Variants in PTRH1 observed in about 807,000 individuals in gnomAD.
PTRH1 encodes the protein peptidyl-tRNA hydrolase.
PTRH1 carries 13 observed loss-of-function variants against 15.7 expected under a neutral mutation model. That is an observed-to-expected ratio of 0.83 (90% CI 0.54 to 1.31). The LOEUF (loss-of-function observed/expected upper bound fraction) is 1.31. Among genes scored for constraint, PTRH1 ranks in the 40% most tolerant of loss-of-function variants. The pLI is 0.00. For synonymous variants in PTRH1, 139 were observed against 136.7 expected (o/e 1.02, Z -0.12); for missense variants, 319 against 296.2 (o/e 1.08, Z -0.56).
At chr9:127,711,128 G>A (rs1842756563), downstream of PTRH1, 1 of 1,423,900 alleles carries the variant, frequency 7.0e-7, no homozygotes, top group African/African-American at 1.4e-5. Context: ...GAGCATGCTG[G>A]TGTTTAACAG....
At position 127,715,531 on chromosome 9, in the gene PTRH1, C is replaced by T; in HGVS notation, c.96+13G>A. Reference sequence around the variant, plus strand: ...GACCGGGAGCCCCTACGTCGCCGCCCCACGCCACTCACCATCCACCGCTTC... The same window carrying T: ...GACCGGGAGCCCCTACGTCGCCGCCTCACGCCACTCACCATCCACCGCTTC... On this transcript the variant is annotated intron_variant, in intron 1 of 4. Transcript: ENST00000543175. This position sits in a 1 kb window ranked among gnomAD's most constrained non-coding sequence, Gnocchi z 5.8. 6.2e-7 allele frequency: 1 copy of T among 1,613,408 alleles called. No homozygotes were observed. Among genetic ancestry groups the T allele is most frequent in the Non-Finnish European group, 8.5e-7 (1 of 1,180,028 alleles).
Position 127,715,362 on chromosome 9 carries a change from C to T in PTRH1, c.97-168G>A. On this transcript the variant is annotated intron_variant, in intron 1 of 4. Coordinates refer to ENST00000543175, the MANE Select transcript of PTRH1 (RefSeq NM_001002913.3). The surrounding 1 kb of genome is among the most constrained non-coding windows in gnomAD (Gnocchi z 5.8). ...CCCGACCCCTGAGAACTCCAGAAGG[C>T]TGGGCAGGCAGGGCGCCCTAGTGCA... The T allele has an allele frequency of 8.1e-7, 1 of 1,239,694 alleles. No individual in the cohort carries two copies. Among genetic ancestry groups the T allele is most frequent in the Non-Finnish European group, 1.1e-6 (1 of 874,878 alleles). The allele number at this position is 1,239,694 out of a possible 1,614,324, so 76.8% of individuals were successfully genotyped here.
downstream of PTRH1, chr9:127,712,202 C>G (rs747864051): frequency 1.9e-6 from 3 of 1,613,890 alleles, no homozygotes; most frequent in Non-Finnish European, 2.5e-6. Context: ...GGTCCAGGAG[C>G]CAGAGAGACC....
intron 1 of PTRH1, among the ~76,000 whole-genome samples, chr9:127,701,549 G>T (rs1239038800): frequency 6.6e-6 from 1 of 152,196 alleles, no homozygotes; most frequent in Non-Finnish European, 1.5e-5. Flanking sequence ...CTTCATCTCA[G>T]AGCTGATGAA....
downstream of PTRH1, among the ~76,000 whole-genome samples, chr9:127,710,293 A>C (rs549212219): frequency 1.1e-3 from 163 of 151,996 alleles, no homozygotes; most frequent in African/African-American, 3.2e-3. Context: ...AAAAAAAAAA[A>C]AAAAAACAAA....
At chr9:127,702,648 G>A (rs1001781094) in intron 1 of PTRH1, among the ~76,000 whole-genome samples, 1 of 152,104 alleles carries the variant, frequency 6.6e-6, no homozygotes, top group Non-Finnish European at 1.5e-5. Context: ...CAGGTGTGAG[G>A]TGCTGGGCTT....
rs776316995 is a variant in PTRH1, at chr9:127,714,642, G to A, written c.377C>T (p.Pro126Leu). 2 of 1,613,926 alleles carry A rather than the reference G, an allele frequency of 1.2e-6. No individual in the cohort carries two copies. Among genetic ancestry groups the A allele is most frequent in the Non-Finnish European group, 8.5e-7 (1 of 1,179,962 alleles). Residue 126 changes from proline (P) to leucine (L), a missense_variant, in exon 3 of 5, where the codon CCC becomes CTC. By Grantham distance (98) the Pro-to-Leu change is moderately conservative. Coordinates refer to ENST00000543175, the MANE Select transcript of PTRH1 (RefSeq NM_001002913.3). Reference sequence around the variant, plus strand: ...CAGCTTCAGAGCCAGTCTCCCCAGGGGCTTGTCCAGCTCATCATGCACCAG... The same window carrying A: ...CAGCTTCAGAGCCAGTCTCCCCAGGAGCTTGTCCAGCTCATCATGCACCAG... ...VYLVHDELDK[P>L]LGRLALKLGG...
chr9:127,709,696 G>A, downstream of PTRH1: 2 of 1,612,096 alleles, frequency 1.2e-6, no homozygotes, highest in African/African-American at 1.3e-5. This position sits in a 1 kb window ranked among gnomAD's most constrained non-coding sequence, Gnocchi z 4.7. Flanking sequence ...CATCCTTGGT[G>A]AGGAGGGGAC....
In PTRH1 at chr9:127,714,165, G is replaced by A. The variant is rs1204139984; in HGVS notation, c.580C>T (p.Arg194Ter). The stretch of plus-strand genomic sequence containing the variant: ...TGGTCCAAGATCAGGTCGGTGGCTC[G>A]ATCCAGCAACAGAGGCAGCAGCTCC... Reference protein sequence around the residue: ...EQELLPLLLDRATDLILDHIR... With the variant: ...EQELLPLLLD The change falls in exon 5 of 5, where the codon CGA (arginine) becomes TGA (stop). Residue 194 changes from arginine to a stop codon, truncating the protein, a stop_gained. Transcript: ENST00000543175. LOFTEE classifies it high-confidence loss of function. The A allele has an allele frequency of 7.4e-6, 12 of 1,613,912 alleles. No individual in the cohort carries two copies. Among genetic ancestry groups the A allele is most frequent in the East Asian group, 2.2e-5 (1 of 44,878 alleles).
downstream of PTRH1, chr9:127,712,472 A>G (rs1206139513): frequency 4.8e-6 from 7 of 1,467,840 alleles, no homozygotes; most frequent in African/African-American, 4.2e-5. Flanking sequence ...AGACTCCTGG[A>G]AAGTCTGTCC....
Position 127,694,817 on chromosome 9 carries a change from A to G in PTRH1, c.420+110T>C, listed in dbSNP as rs114068964. ...TGGAATTCCCTGCTCCTCCAAGGAT[A>G]TTTAACACCGTTGGAGACTTTTAGC... is the stretch of plus-strand genomic sequence containing the variant. On this transcript the variant is annotated intron_variant, in intron 2 of 2. Coordinates refer to the PTRH1 transcript ENST00000335223. The G allele has an allele frequency of 7.2e-5, 43 of 596,006 alleles. No homozygotes were observed. In the African/African-American group the frequency reaches 7.4e-4, roughly 10 times the overall value. The allele number at this position is 596,006 out of a possible 1,614,324, so 36.9% of individuals were successfully genotyped here. A position where few individuals can be genotyped will look rare whatever the true frequency, so the allele number is the denominator to read the frequency against.
rs1842828463 is a variant in PTRH1, at chr9:127,713,825, A to G, written c.*275T>C. 6.2e-7 allele frequency: 1 copy of G among 1,613,568 alleles called. No individual in the cohort carries two copies. The highest frequency in any genetic ancestry group is 8.5e-7 in the Non-Finnish European group (1 of 1,179,794). On this transcript the variant is annotated 3_prime_UTR_variant, in exon 5 of 5. Coordinates refer to ENST00000543175, the MANE Select transcript of PTRH1 (RefSeq NM_001002913.3). The stretch of plus-strand genomic sequence containing the variant: ...CCCGGCCTCCAAGCCAGCATCTTTA[A>G]TCTTACAGATGCGTGCCCCTGGTTC...
At chr9:127,702,659 T>TTGACATGAGCCTG (rs1170124282) in intron 1 of PTRH1, among the ~76,000 whole-genome samples, 7 of 152,194 alleles carry the variant, frequency 4.6e-5, no homozygotes, top group Admixed American at 6.5e-5. Context: ...TGCTGGGCTT[T>TTGACATGAGCCTG]TGACATGAGC....
downstream of PTRH1, chr9:127,713,041 C>T (rs1276546056): frequency 2.5e-6 from 4 of 1,613,582 alleles, no homozygotes; most frequent in African/African-American, 4.0e-5. Context: ...TCCAGCTGCC[C>T]AGGACTGGGT....
intron 2 of PTRH1, among the ~76,000 whole-genome samples, chr9:127,694,583 G>A (rs1842539175): frequency 6.6e-6 from 1 of 151,736 alleles, no homozygotes; most frequent in Non-Finnish European, 1.5e-5. Context: ...CTGCTAAAAA[G>A]TCTCCAACGG....
At chr9:127,714,919 C>A in intron 2 of PTRH1, 56 bp downstream of exon 2, 1 of 760,894 alleles carries the variant, frequency 1.3e-6, no homozygotes, top group Non-Finnish European at 2.1e-6. Flanking sequence ...CTGGCCCCCG[C>A]GCCCCAACCC....
downstream of PTRH1, chr9:127,712,319 G>A (rs770800018): frequency 3.1e-6 from 5 of 1,614,030 alleles, no homozygotes; most frequent in Non-Finnish European, 2.5e-6. Flanking sequence ...CTCTGGTCCA[G>A]GCCACCTCCT....
downstream of PTRH1, chr9:127,712,226 G>A (rs1465082531): frequency 6.2e-7 from 1 of 1,613,968 alleles, no homozygotes; most frequent in Admixed American, 1.7e-5. Flanking sequence ...TGAGCCTGCA[G>A]CTGGAGCAGC....
chr9:127,714,940 G>GT, intron 2 of PTRH1, 35 bp downstream of exon 2: 1 of 282,396 alleles, frequency 3.5e-6, no homozygotes, highest in Non-Finnish European at 6.5e-6. Context: ...CCACCCCCTT[G>GT]GCCCGCCCGC....
Sources: gnomAD v4.1 joint callset for allele counts (sites outside exome capture counted in the v4.1 genomes callset) on GRCh38, gnomAD v4.1.1 for gene constraint, Gnocchi (gnomAD v3.1) non-coding constraint, MANE v1.5 for transcripts, NCBI Gene and HGNC (gene_info 2026-07-23, HGNC 2026-07-21) for gene names.